Variants in RBFOX3 observed in about 807,000 individuals in gnomAD.
The protein encoded by RBFOX3 is RNA binding fox-1 homolog 3, also known as RNA binding protein fox-1 homolog 3.
A neutral mutation model predicts 48.7 loss-of-function variants in RBFOX3; 17 were observed. The observed-to-expected ratio is 0.35, with a 90% CI of 0.24 to 0.52. RBFOX3 has a LOEUF of 0.52. RBFOX3 is among the 20% of genes least tolerant of loss of function. RBFOX3 has a pLI of 0.94. For missense variants in RBFOX3, 382 were observed against 497.5 expected (o/e 0.77, Z 2.21); for synonymous variants, 212 against 209.5 (o/e 1.01, Z -0.10).
chr17:79,328,908 C>T (rs970033282), intron 2 of RBFOX3, among the ~76,000 whole-genome samples: 1 of 152,154 alleles, frequency 6.6e-6, no homozygotes, highest in African/African-American at 2.4e-5. Context: ...GACTCAGGGT[C>T]CGAGGTCCTG....
intron 4 of RBFOX3, among the ~76,000 whole-genome samples, chr17:79,221,465 A>G (rs1357788827): frequency 2.6e-5 from 4 of 152,062 alleles, no homozygotes; most frequent in Non-Finnish European, 5.9e-5. Flanking sequence ...AGAGTGAGAG[A>G]GTGATGCAGG....
At chr17:79,182,792 G>A (rs2052384301) in intron 4 of RBFOX3, among the ~76,000 whole-genome samples, 1 of 151,132 alleles carries the variant, frequency 6.6e-6, no homozygotes, top group Non-Finnish European at 1.5e-5. Flanking sequence ...GAGGCCCGGC[G>A]CGCGGTCTGC....
rs58040659 is a variant in RBFOX3, at chr17:79,356,348, G to GTTTTTTTTTTTTTTTTTTT, written c.-174-48543_-174-48525dup. 4.4e-4 allele frequency among the ~76,000 whole-genome samples: 21 copies of GTTTTTTTTTTTTTTTTTTT among 47,328 alleles called. 4 individuals are homozygous for GTTTTTTTTTTTTTTTTTTT. Among genetic ancestry groups the GTTTTTTTTTTTTTTTTTTT allele is most frequent in the Non-Finnish European group, 7.8e-4 (19 of 24,438 alleles). The allele number at this position is 47,328 out of a possible 152,430, so 31.0% of individuals were successfully genotyped here. ...ACTTTTTCACTTTTAAAACAGGGAA[G>GTTTTTTTTTTTTTTTTTTT]TTTTTTTTTTTTTTTTTTTTTTTTT... On this transcript the variant is annotated intron_variant, in intron 2 of 14. Coordinates refer to ENST00000693108, the MANE Select transcript of RBFOX3 (RefSeq NM_001350451.2).
chr17:79,492,272 C>T (rs1049654562), intron 1 of RBFOX3, among the ~76,000 whole-genome samples: 9 of 152,182 alleles, frequency 5.9e-5, no homozygotes, highest in Non-Finnish European at 1.0e-4. Context: ...AAGACAGCCC[C>T]TGTGTCTTCA....
At chr17:79,346,472 T>C (rs1378384948) in intron 2 of RBFOX3, among the ~76,000 whole-genome samples, 1 of 152,232 alleles carries the variant, frequency 6.6e-6, no homozygotes, top group Non-Finnish European at 1.5e-5. Context: ...TGGTTGATCC[T>C]TATGACAACA....
At chr17:79,568,717 G>GA (rs1269436874) in intron 1 of RBFOX3, among the ~76,000 whole-genome samples, 2 of 152,080 alleles carry the variant, frequency 1.3e-5, no homozygotes, top group African/African-American at 4.8e-5. Context: ...CCTGTATGGT[G>GA]AAAAAAGGCT....
intron 3 of RBFOX3, among the ~76,000 whole-genome samples, chr17:79,282,763 A>C (rs1249582780): frequency 6.6e-6 from 1 of 152,238 alleles, no homozygotes; most frequent in Non-Finnish European, 1.5e-5. Flanking sequence ...AACCCAGCAC[A>C]ACCAACACAA....
At chr17:79,162,843 TGGGGA>T (rs1232023416) in intron 4 of RBFOX3, among the ~76,000 whole-genome samples, 2 of 151,946 alleles carry the variant, frequency 1.3e-5, no homozygotes, top group East Asian at 3.9e-4. Flanking sequence ...GCTCAGGGCT[TGGGGA>T]AGTAGGTGCT....
chr17:79,545,959 CGTGTGCACGTGTGTGT>C (rs2090374151), intron 1 of RBFOX3, among the ~76,000 whole-genome samples: 2 of 152,154 alleles, frequency 1.3e-5, no homozygotes. Context: ...CACGTGTGTG[CGTGTGCACGTGTGTGT>C]GCACATACAT....
intron 4 of RBFOX3, among the ~76,000 whole-genome samples, chr17:79,157,784 G>A (rs895075486): frequency 6.6e-6 from 1 of 152,192 alleles, no homozygotes; most frequent in Non-Finnish European, 1.5e-5. Flanking sequence ...TGGCCCAGAT[G>A]ACCAAGGACA....
intron 2 of RBFOX3, among the ~76,000 whole-genome samples, chr17:79,397,647 C>G (rs1166363009): frequency 6.7e-6 from 1 of 150,044 alleles, no homozygotes; most frequent in Non-Finnish European, 1.5e-5. Context: ...TTAGAGCAGC[C>G]CAGCTCACAC....
In RBFOX3 at chr17:79,498,257, G is replaced by A. The variant is rs567203789; in HGVS notation, c.-319-15659C>T. Among the ~76,000 whole-genome samples the A allele has an allele frequency of 2.3e-4, 35 of 152,234 alleles. No individual in the cohort carries two copies. In the East Asian group the frequency reaches 4.6e-3, roughly 20 times the overall value. The stretch of plus-strand genomic sequence containing the variant: ...TCATAGGAACTCGTTTTCCTTTTGC[G>A]CTCCTTTGGGCAGCATTCTTACAAT... On this transcript the variant is annotated intron_variant, in intron 1 of 14. Transcript: ENST00000693108.
intron 2 of RBFOX3, among the ~76,000 whole-genome samples, chr17:79,404,639 C>T (rs2148476846): frequency 6.7e-6 from 1 of 149,278 alleles, no homozygotes; most frequent in Middle Eastern, 3.4e-3. Context: ...CATTACCTAG[C>T]TTCTGGCCCT....
intron 2 of RBFOX3, among the ~76,000 whole-genome samples, chr17:79,420,177 A>AG (rs1568218065): frequency 1.4e-5 from 2 of 147,114 alleles, no homozygotes; most frequent in Admixed American, 6.8e-5. Context: ...ACACACACAA[A>AG]AGATGGTTAA....
At chr17:79,315,023 T>C (rs1004742602) in intron 2 of RBFOX3, among the ~76,000 whole-genome samples, 1 of 152,122 alleles carries the variant, frequency 6.6e-6, no homozygotes, top group Non-Finnish European at 1.5e-5. Context: ...CTCCAAAAAT[T>C]TTTTGAGACG....
chr17:79,221,415 T>C (rs747182132), intron 4 of RBFOX3, among the ~76,000 whole-genome samples: 2 of 152,248 alleles, frequency 1.3e-5, no homozygotes, highest in African/African-American at 2.4e-5. Context: ...TGAGGTCTCA[T>C]GTGCTGGCTC....
At chr17:79,298,391 G>GT (rs1350138255) in intron 3 of RBFOX3, 1 of 152,232 alleles carries the variant, frequency 6.6e-6, no homozygotes, top group East Asian at 1.9e-4. Context: ...TGCTGGGAGA[G>GT]TTGTGGCTAG....
chr17:79,662,810 G>A, the RBFOX3 span, among the ~76,000 whole-genome samples: 1 of 152,120 alleles, frequency 6.6e-6, no homozygotes, highest in Non-Finnish European at 1.5e-5. Context: ...CAGAACCGTG[G>A]GGAAGGCATC....
intron 4 of RBFOX3, among the ~76,000 whole-genome samples, chr17:79,161,659 G>C (rs1405289657): frequency 2.6e-5 from 4 of 152,092 alleles, no homozygotes; most frequent in African/African-American, 9.7e-5. Context: ...GCAGTGGCGC[G>C]ATCTTGTTTC....
Sources: allele counts gnomAD v4.1 joint callset (sites outside exome capture counted in the v4.1 genomes callset), GRCh38; gene constraint gnomAD v4.1.1; transcripts MANE v1.5; gene names NCBI Gene and HGNC (gene_info 2026-07-23, HGNC 2026-07-21).